The following KHDRBS2 variants were observed in gnomAD, a reference collection of about 807,000 sequenced individuals.
KHDRBS2 encodes the protein KH RNA binding domain containing, signal transduction associated 2.
Under a neutral mutation model 44.3 loss-of-function variants are expected in KHDRBS2, and 26 were observed. The ratio of observed to expected loss-of-function variants is 0.59; its 90% CI spans 0.43 to 0.81. KHDRBS2 has a LOEUF of 0.81. KHDRBS2 is among the 40% of genes least tolerant of loss of function. The pLI is 0.00. For missense variants in KHDRBS2, 476 were observed against 433.1 expected (o/e 1.10, Z -0.88); for synonymous variants, 194 against 151.1 (o/e 1.28, Z -2.08).
intron 2 of KHDRBS2, among the ~76,000 whole-genome samples, chr6:62,062,915 A>G (rs1336288544): frequency 6.7e-6 from 1 of 149,792 alleles, no homozygotes; most frequent in Non-Finnish European, 1.5e-5. Flanking sequence ...GAGAAGAATC[A>G]AATAGACGCA....
At chr6:61,576,423 T>G in the KHDRBS2 span, among the ~76,000 whole-genome samples, 30 of 152,154 alleles carry the variant, frequency 2.0e-4, no homozygotes, top group Non-Finnish European at 2.1e-4. Context: ...AGATTTTGTA[T>G]GCTGAAACTT....
chr6:62,107,216 C>G (rs536850684), intron 2 of KHDRBS2, among the ~76,000 whole-genome samples: 1 of 152,206 alleles, frequency 6.6e-6, no homozygotes, highest in Non-Finnish European at 1.5e-5. Flanking sequence ...CCCAAAATCT[C>G]CTTAAGCTGA....
chr6:62,281,651 G>A (rs538753452), intron 1 of KHDRBS2, among the ~76,000 whole-genome samples: 4 of 152,096 alleles, frequency 2.6e-5, no homozygotes, highest in African/African-American at 7.2e-5. Flanking sequence ...TTTAAAATAC[G>A]GCTTATGTTA....
chr6:61,848,501 A>ATATACG (rs1794816580), intron 6 of KHDRBS2, among the ~76,000 whole-genome samples: 1 of 63,804 alleles, frequency 1.6e-5, no homozygotes, highest in Admixed American at 1.6e-4. Flanking sequence ...GTATATATAT[A>ATATACG]TATATATATG....
At chr6:62,094,899 T>C (rs1368486326) in intron 2 of KHDRBS2, among the ~76,000 whole-genome samples, 1 of 152,004 alleles carries the variant, frequency 6.6e-6, no homozygotes, top group Admixed American at 6.6e-5. Context: ...ATAAACTTTC[T>C]ATTCTGTTCC....
intron 6 of KHDRBS2, among the ~76,000 whole-genome samples, chr6:61,878,315 T>A (rs1799731909): frequency 6.6e-6 from 1 of 152,066 alleles, no homozygotes; most frequent in African/African-American, 2.4e-5. Flanking sequence ...CAATTCTTTT[T>A]CACAATTCAT....
intron 3 of KHDRBS2, among the ~76,000 whole-genome samples, chr6:62,000,272 T>C (rs1236265920): frequency 6.6e-6 from 1 of 152,200 alleles, no homozygotes. Flanking sequence ...ACTTATACCA[T>C]TTCCCAAGTT....
intron 4 of KHDRBS2, among the ~76,000 whole-genome samples, chr6:61,926,895 T>C (rs1809081742): frequency 6.6e-6 from 1 of 152,038 alleles, no homozygotes; most frequent in Non-Finnish European, 1.5e-5. Flanking sequence ...TAGGTTTTTT[T>C]TTTCAAGCTG....
intron 7 of KHDRBS2, among the ~76,000 whole-genome samples, chr6:61,705,377 A>AT (rs1398717393): frequency 6.6e-6 from 1 of 151,952 alleles, no homozygotes; most frequent in East Asian, 1.9e-4. Flanking sequence ...AACCATAAAA[A>AT]ATATATATTT....
intron 2 of KHDRBS2, among the ~76,000 whole-genome samples, chr6:62,054,196 G>A (rs1317644255): frequency 6.6e-6 from 1 of 152,012 alleles, no homozygotes; most frequent in East Asian, 1.9e-4. Context: ...GTTTAAAAAA[G>A]TGAAAGTCCA....
the KHDRBS2 span, among the ~76,000 whole-genome samples, chr6:61,583,619 T>C: frequency 6.6e-6 from 1 of 151,810 alleles, no homozygotes; most frequent in Non-Finnish European, 1.5e-5. Flanking sequence ...TGTAGGTTTA[T>C]AGCAAATCTG....
At chr6:61,743,778 C>CT (rs1043399841) in intron 6 of KHDRBS2, among the ~76,000 whole-genome samples, 1 of 95,080 alleles carries the variant, frequency 1.1e-5, no homozygotes, top group East Asian at 2.5e-4. Context: ...CTATCCCCCC[C>CT]CTCCCCCCAC....
the KHDRBS2 span, among the ~76,000 whole-genome samples, chr6:61,567,516 CTGTGG>C: frequency 6.6e-6 from 1 of 152,090 alleles, no homozygotes; most frequent in East Asian, 1.9e-4. Flanking sequence ...TGGTGTGCAC[CTGTGG>C]TCTTAGCTAC....
chr6:61,926,165 T>C (rs1392447319), intron 4 of KHDRBS2, among the ~76,000 whole-genome samples: 1 of 152,150 alleles, frequency 6.6e-6, no homozygotes. Context: ...AGGTAGAATC[T>C]GGGTGACAGA....
the KHDRBS2 span, among the ~76,000 whole-genome samples, chr6:61,671,546 T>C: frequency 6.6e-6 from 1 of 151,818 alleles, no homozygotes. Context: ...AATATTCTTT[T>C]GAATAACAAT....
intron 2 of KHDRBS2, among the ~76,000 whole-genome samples, chr6:62,164,173 G>A (rs994747733): frequency 1.4e-4 from 21 of 151,874 alleles, no homozygotes; most frequent in Admixed American, 1.4e-3. Flanking sequence ...GGAACTATAT[G>A]ATGTAATGAG....
intron 1 of KHDRBS2, among the ~76,000 whole-genome samples, chr6:62,217,488 T>G (rs1422419718): frequency 2.0e-5 from 3 of 151,902 alleles, no homozygotes; most frequent in Admixed American, 1.3e-4. Context: ...ATTGAAGAGT[T>G]GCTTTTCAAA....
chr6:61,737,893 T>C (rs1374047216), intron 6 of KHDRBS2, among the ~76,000 whole-genome samples: 2 of 152,026 alleles, frequency 1.3e-5, no homozygotes, highest in African/African-American at 2.4e-5. Flanking sequence ...GGAAACCATA[T>C]TTACGTGGTT....
At chr6:62,150,946 A>T (rs1272721516) in intron 2 of KHDRBS2, among the ~76,000 whole-genome samples, 1 of 152,162 alleles carries the variant, frequency 6.6e-6, no homozygotes, top group Non-Finnish European at 1.5e-5. Context: ...GTTTGATCTT[A>T]ATCTCAATTC....
Sources: allele counts gnomAD v4.1 joint callset (sites outside exome capture counted in the v4.1 genomes callset), GRCh38; gene constraint gnomAD v4.1.1; transcripts MANE v1.5; gene names NCBI Gene and HGNC (gene_info 2026-07-23, HGNC 2026-07-21).